CLSTN1: variants seen among roughly 807,000 people sequenced by gnomAD.
CLSTN1 encodes calsyntenin-1.
Under a neutral mutation model 108.3 loss-of-function variants are expected in CLSTN1, and 28 were observed. The observed-to-expected ratio is 0.26, with a 90% CI of 0.19 to 0.35. The LOEUF (loss-of-function observed/expected upper bound fraction) is 0.35, where lower values mean the gene tolerates loss of function less well. Among genes scored for constraint, CLSTN1 ranks in the 10% least tolerant of loss-of-function variants. The pLI is 1.00. For synonymous variants in CLSTN1, 524 were observed against 534.9 expected (o/e 0.98, Z 0.28); for missense variants, 1,157 against 1,302.6 (o/e 0.89, Z 1.72).
rs188864150 is a variant in CLSTN1, at chr1:9,761,930, T to G, written c.215-5420A>C. On this transcript the variant is annotated intron_variant, in intron 2 of 18. Coordinates refer to ENST00000377298, the MANE Select transcript of CLSTN1 (RefSeq NM_001009566.3). ...TGACTGTAGGCCAGAGAAAGGGACT[T>G]GGAAACAGGTGGAAGCCAAGGCGGC... Among the ~76,000 whole-genome samples the G allele has an allele frequency of 1.6e-3, 245 of 152,246 alleles. 2 individuals carry two copies. Among genetic ancestry groups the G allele is most frequent in the African/African-American group, 5.7e-3 (238 of 41,530 alleles).
intron 6 of CLSTN1, 58 bp downstream of exon 6, chr1:9,749,706 T>C (rs903828449): frequency 9.3e-6 from 15 of 1,611,158 alleles, no homozygotes; most frequent in Admixed American, 8.4e-5. Flanking sequence ...TCTAGGTTGC[T>C]GCCGCATACA....
Position 9,730,448 on chromosome 1 carries a change from G to T in CLSTN1, c.*60C>A. The T allele has an allele frequency of 6.7e-7, 1 of 1,493,780 alleles. No individual in the cohort carries two copies. The highest frequency in any genetic ancestry group is 2.3e-4 in the Middle Eastern group (1 of 4,296). The allele number at this position is 1,493,780 out of a possible 1,614,324, so 92.5% of individuals were successfully genotyped here. A position where few individuals can be genotyped will look rare whatever the true frequency, so the allele number is the denominator to read the frequency against. On this transcript the variant is annotated 3_prime_UTR_variant, in exon 19 of 19. Coordinates refer to ENST00000377298, the MANE Select transcript of CLSTN1 (RefSeq NM_001009566.3). This position sits in a 1 kb window ranked among gnomAD's most constrained non-coding sequence, Gnocchi z 5.6. Reference sequence around the variant, plus strand: ...TTGTACATCGTGGACCCTTGGGACTGGGAGAACGGATGGCAGCAGAGTCTT... The same window carrying T: ...TTGTACATCGTGGACCCTTGGGACTTGGAGAACGGATGGCAGCAGAGTCTT...
At chr1:9,736,085 A>G in intron 11 of CLSTN1, 43 bp from the exon 12 acceptor site, 1 of 1,612,498 alleles carries the variant, frequency 6.2e-7, no homozygotes, top group African/African-American at 1.3e-5. Flanking sequence ...CGTGCAACCC[A>G]GCATCGCCCA....
intron 1 of CLSTN1, among the ~76,000 whole-genome samples, chr1:9,806,301 C>T (rs370068132): frequency 1.3e-5 from 2 of 151,954 alleles, no homozygotes; most frequent in Non-Finnish European, 2.9e-5. Context: ...AACTCTGTCT[C>T]GAAAATACAA....
intron 9 of CLSTN1, among the ~76,000 whole-genome samples, chr1:9,743,400 C>T (rs1651076163): frequency 6.6e-6 from 1 of 152,138 alleles, no homozygotes. Context: ...GAAACCTCAT[C>T]TCTACTAGAA....
intron 16 of CLSTN1, among the ~76,000 whole-genome samples, chr1:9,732,444 G>A (rs1050093954): frequency 2.6e-5 from 4 of 152,204 alleles, no homozygotes; most frequent in Non-Finnish European, 5.9e-5. Context: ...TTCCCCATGG[G>A]TCGTTTGGGA....
intron 1 of CLSTN1, among the ~76,000 whole-genome samples, chr1:9,788,259 A>C (rs1200327737): frequency 1.3e-5 from 2 of 151,358 alleles, no homozygotes; most frequent in African/African-American, 4.8e-5. Flanking sequence ...CTGTCTCAAA[A>C]AAATAAAAAT....
intron 5 of CLSTN1, among the ~76,000 whole-genome samples, chr1:9,751,179 T>C (rs768216944): frequency 6.6e-6 from 1 of 151,956 alleles, no homozygotes; most frequent in Non-Finnish European, 1.5e-5. Flanking sequence ...TTAAGAAGAT[T>C]AAAAAAACAA....
intron 2 of CLSTN1, among the ~76,000 whole-genome samples, chr1:9,767,449 G>A (rs1311837353): frequency 6.6e-6 from 1 of 151,798 alleles, no homozygotes; most frequent in Non-Finnish European, 1.5e-5. Flanking sequence ...GGAGGCTGAG[G>A]CAGGAGAATT....
Position 9,735,192 on chromosome 1 carries a change from G to A in CLSTN1, c.1884-18C>T, listed in dbSNP as rs11121486. 0.087 allele frequency: 140,419 copies of A among 1,612,186 alleles called. 12,549 individuals carry two copies. The highest frequency in any genetic ancestry group is 0.36 in the African/African-American group (26,640 of 74,940). On this transcript the variant is annotated intron_variant, in intron 13 of 18. Coordinates refer to ENST00000377298, the MANE Select transcript of CLSTN1 (RefSeq NM_001009566.3). Reference sequence around the variant, plus strand: ...TAAAACACCTGCCAGCAAGAAATGGGGAAGGGTCAGGGCTTTGGGAGCCGA... The same window carrying A: ...TAAAACACCTGCCAGCAAGAAATGGAGAAGGGTCAGGGCTTTGGGAGCCGA...
intron 2 of CLSTN1, among the ~76,000 whole-genome samples, chr1:9,766,712 T>C (rs561903428): frequency 6.6e-6 from 1 of 152,320 alleles, no homozygotes; most frequent in South Asian, 2.1e-4. Context: ...GACCCATGAC[T>C]ACTCAGGCTT....
intron 9 of CLSTN1, among the ~76,000 whole-genome samples, chr1:9,742,375 TA>T (rs1350833621): frequency 4.6e-5 from 7 of 152,106 alleles, no homozygotes; most frequent in African/African-American, 1.7e-4. Flanking sequence ...CAGCAGTGAA[TA>T]GGGGTAACAA....
intron 1 of CLSTN1, among the ~76,000 whole-genome samples, chr1:9,775,838 ATGCTACCTC>A (rs1652912889): frequency 6.6e-6 from 1 of 152,114 alleles, no homozygotes; most frequent in Non-Finnish European, 1.5e-5. Flanking sequence ...CCAGGATGTG[ATGCTACCTC>A]TGCTGTACCT....
At chr1:9,742,833 G>A (rs1212105012) in intron 9 of CLSTN1, among the ~76,000 whole-genome samples, 11 of 151,612 alleles carry the variant, frequency 7.3e-5, no homozygotes, top group African/African-American at 2.7e-4. Flanking sequence ...GCTTGAACCC[G>A]GGAGGTGGAG....
chr1:9,774,877 G>A (rs1316049307), intron 1 of CLSTN1, among the ~76,000 whole-genome samples: 10 of 152,138 alleles, frequency 6.6e-5, no homozygotes, highest in Admixed American at 6.6e-4. Flanking sequence ...AACGAAGGGT[G>A]GATTATTCAT....
chr1:9,786,433 G>A (rs111718762), intron 1 of CLSTN1, among the ~76,000 whole-genome samples: 2,461 of 152,160 alleles, frequency 0.016, 58 homozygotes, highest in African/African-American at 0.056. Context: ...CCTGAAGTCA[G>A]GAGTTCGAAA....
At chr1:9,806,568 A>C (rs1286815573) in intron 1 of CLSTN1, among the ~76,000 whole-genome samples, 2 of 152,194 alleles carry the variant, frequency 1.3e-5, no homozygotes, top group African/African-American at 4.8e-5. Context: ...AAATTTGTAC[A>C]AAGAAAAAAA....
chr1:9,768,196 C>A (rs1652442868), intron 2 of CLSTN1, among the ~76,000 whole-genome samples: 1 of 150,694 alleles, frequency 6.6e-6, no homozygotes, highest in African/African-American at 2.4e-5. Context: ...CTGGGTGGCA[C>A]CATGGGGGCG....
At chr1:9,767,775 A>G (rs1414076964) in intron 2 of CLSTN1, among the ~76,000 whole-genome samples, 1 of 152,206 alleles carries the variant, frequency 6.6e-6, no homozygotes, top group Non-Finnish European at 1.5e-5. Flanking sequence ...AATACTTAAG[A>G]AAGTCTGTAA....
Sources: allele counts gnomAD v4.1 joint callset (sites outside exome capture counted in the v4.1 genomes callset), GRCh38; gene constraint gnomAD v4.1.1; non-coding constraint Gnocchi (gnomAD v3.1); transcripts MANE v1.5; gene names NCBI Gene and HGNC (gene_info 2026-07-23, HGNC 2026-07-21).